The following KCNIP4 variants were observed in gnomAD, a reference collection of about 807,000 sequenced individuals.
KCNIP4 encodes the protein potassium voltage-gated channel interacting protein 4, also known as Kv channel-interacting protein 4.
In KCNIP4, 12 loss-of-function variants were observed where a neutral mutation model predicts 34.0. That is an observed-to-expected ratio of 0.35 (90% CI 0.23 to 0.57). The LOEUF is 0.57. Ranked by LOEUF, KCNIP4 falls within the 20% of genes least tolerant of loss-of-function variation. The pLI is 0.83. For missense variants in KCNIP4, 238 were observed against 311.7 expected (o/e 0.76, Z 1.78); for synonymous variants, 124 against 102.2 (o/e 1.21, Z -1.29).
Position 20,819,136 on chromosome 4 carries a change from A to G in KCNIP4, c.288+31407T>C, listed in dbSNP as rs189688014. 2.8e-3 allele frequency among the ~76,000 whole-genome samples: 425 copies of G among 152,136 alleles called. 4 individuals carry two copies. Among genetic ancestry groups the G allele is most frequent in the African/African-American group, 9.9e-3 (410 of 41,510 alleles). ...CGACCTCCCAAAGTGCTGGGATTAC[A>G]GGCGTGAGCCACAGCGCCTGGCCTT... On this transcript the variant is annotated intron_variant, in intron 3 of 8. Transcript: ENST00000382152.
chr4:21,453,382 T>C lies in KCNIP4; in HGVS notation c.61+495189A>G, dbSNP rs141218917. The stretch of plus-strand genomic sequence containing the variant: ...TCTCATTGAATTCCTCCAGCAATCT[T>C]AAAATATGGGTTTTATTTACCTCAT... On this transcript the variant is annotated intron_variant, in intron 1 of 8. Transcript: ENST00000382152. Among the ~76,000 whole-genome samples, 459 of 152,234 alleles carry C rather than the reference T, an allele frequency of 3.0e-3. 2 individuals carry two copies. The highest frequency in any genetic ancestry group is 0.01 in the African/African-American group (426 of 41,522).
chr4:21,915,337 G>T (rs1728570152), intron 1 of KCNIP4, among the ~76,000 whole-genome samples: 1 of 152,240 alleles, frequency 6.6e-6, no homozygotes, highest in East Asian at 1.9e-4. Context: ...ATAAAGAAGA[G>T]GACCTAATCT....
intron 1 of KCNIP4, among the ~76,000 whole-genome samples, chr4:21,335,295 T>TC (rs4054873): frequency 1.3e-5 from 2 of 149,906 alleles, no homozygotes; most frequent in African/African-American, 2.5e-5. Flanking sequence ...CTCTGAACTC[T>TC]TTTACCTTAA....
At chr4:21,696,896 C>A (rs1712375768) in intron 1 of KCNIP4, among the ~76,000 whole-genome samples, 1 of 151,998 alleles carries the variant, frequency 6.6e-6, no homozygotes, top group Admixed American at 6.6e-5. Flanking sequence ...TAACTCTTTC[C>A]CGGCCAAGCC....
At chr4:21,572,381 G>A (rs1232798447) in intron 1 of KCNIP4, among the ~76,000 whole-genome samples, 3 of 152,020 alleles carry the variant, frequency 2.0e-5, no homozygotes, top group Non-Finnish European at 4.4e-5. Context: ...TCAAATTCTA[G>A]GGTAAAATAA....
At chr4:21,040,007 G>A (rs924755640) in intron 1 of KCNIP4, among the ~76,000 whole-genome samples, 8 of 152,202 alleles carry the variant, frequency 5.3e-5, no homozygotes, top group East Asian at 1.9e-4. Context: ...CTTACATGGC[G>A]GCAGGTGAGA....
rs147729175 is a variant in KCNIP4, at chr4:20,972,825, T to A, written c.62-90116A>T. 7.5e-3 allele frequency among the ~76,000 whole-genome samples: 1,144 copies of A among 152,288 alleles called. 15 individuals carry two copies. The highest frequency in any genetic ancestry group is 0.026 in the African/African-American group (1,066 of 41,546). On this transcript the variant is annotated intron_variant, in intron 1 of 8. Transcript: ENST00000382152. ...ACTCTCATGAATGATTTTGAGGGGT[T>A]CAATAATTCAGTAGAGAAAGTAACT...
intron 1 of KCNIP4, among the ~76,000 whole-genome samples, chr4:20,987,064 T>G (rs796430518): frequency 6.6e-5 from 10 of 152,204 alleles, no homozygotes; most frequent in African/African-American, 2.4e-4. Flanking sequence ...TCCTGCTTCA[T>G]CTAAAAAGTC....
At chr4:21,421,081 T>C (rs1461725198) in intron 1 of KCNIP4, among the ~76,000 whole-genome samples, 31 of 152,064 alleles carry the variant, frequency 2.0e-4, no homozygotes, top group Admixed American at 2.0e-3. Flanking sequence ...AAAACCACAA[T>C]AATATATCAC....
intron 1 of KCNIP4, among the ~76,000 whole-genome samples, chr4:21,142,686 G>C (rs1439288903): frequency 6.6e-6 from 1 of 152,110 alleles, no homozygotes; most frequent in Non-Finnish European, 1.5e-5. Flanking sequence ...TCTTCACCTT[G>C]TCGTGCTTTC....
chr4:21,586,832 CT>C (rs1741659150), intron 1 of KCNIP4, among the ~76,000 whole-genome samples: 4 of 152,012 alleles, frequency 2.6e-5, no homozygotes, highest in Non-Finnish European at 5.9e-5. Context: ...GTAATCATCA[CT>C]TATGTGTGTG....
At chr4:21,779,598 G>A (rs1719442080) in intron 1 of KCNIP4, among the ~76,000 whole-genome samples, 1 of 151,962 alleles carries the variant, frequency 6.6e-6, no homozygotes, top group African/African-American at 2.4e-5. Context: ...ACCAGGAGAG[G>A]AAAAATAAGA....
At chr4:21,380,148 A>G (rs1721346345) in intron 1 of KCNIP4, among the ~76,000 whole-genome samples, 2 of 152,126 alleles carry the variant, frequency 1.3e-5, no homozygotes, top group Non-Finnish European at 2.9e-5. Context: ...GAAAAGGCAG[A>G]ATGTACATTG....
At chr4:21,300,801 A>G (rs13111015) in intron 1 of KCNIP4, among the ~76,000 whole-genome samples, 11,232 of 152,228 alleles carry the variant, frequency 0.074, 444 homozygotes, top group Middle Eastern at 0.12. Flanking sequence ...TATCTATTTT[A>G]TGGTAAATGA....
At chr4:21,642,913 T>C (rs961689837) in intron 1 of KCNIP4, among the ~76,000 whole-genome samples, 11 of 152,104 alleles carry the variant, frequency 7.2e-5, no homozygotes, top group African/African-American at 2.4e-4. Flanking sequence ...TGTGATTAAA[T>C]TCAATATAAA....
At chr4:21,863,199 C>T (rs1337547312) in intron 1 of KCNIP4, among the ~76,000 whole-genome samples, 1 of 150,782 alleles carries the variant, frequency 6.6e-6, no homozygotes, top group African/African-American at 2.4e-5. Context: ...TCAGGTAATT[C>T]CTAGGCAGCT....
intron 1 of KCNIP4, among the ~76,000 whole-genome samples, chr4:21,350,457 T>C (rs1307746567): frequency 1.3e-5 from 2 of 152,182 alleles, no homozygotes; most frequent in East Asian, 3.9e-4. Flanking sequence ...GTTATTTATC[T>C]GGCAAGTACA....
At chr4:20,864,214 GTA>G (rs1722597568) in intron 2 of KCNIP4, among the ~76,000 whole-genome samples, 1 of 148,316 alleles carries the variant, frequency 6.7e-6, no homozygotes, top group Non-Finnish European at 1.5e-5. Flanking sequence ...ACACATGCAT[GTA>G]TATATGCATA....
chr4:21,077,355 A>G (rs2109012973), intron 1 of KCNIP4, among the ~76,000 whole-genome samples: 1 of 152,274 alleles, frequency 6.6e-6, no homozygotes, highest in African/African-American at 2.4e-5. Context: ...GTTACTACTC[A>G]GACTATAAAA....
Sources: gnomAD v4.1 joint callset for allele counts (sites outside exome capture counted in the v4.1 genomes callset) on GRCh38, gnomAD v4.1.1 for gene constraint, MANE v1.5 for transcripts, NCBI Gene and HGNC (gene_info 2026-07-23, HGNC 2026-07-21) for gene names.